Variants in TTC39C observed in about 807,000 individuals in gnomAD.
TTC39C encodes the protein tetratricopeptide repeat domain 39C, also known as tetratricopeptide repeat protein 39C.
A neutral mutation model predicts 76.3 loss-of-function variants in TTC39C; 33 were observed. The ratio of observed to expected loss-of-function variants is 0.43; its 90% CI spans 0.33 to 0.58. The LOEUF is 0.58. TTC39C is among the 20% of genes least tolerant of loss of function. TTC39C has a pLI of 0.04. For synonymous variants in TTC39C, 254 were observed against 260.6 expected (o/e 0.97, Z 0.24); for missense variants, 595 against 701.4 (o/e 0.85, Z 1.71).
intron 1 of TTC39C, among the ~76,000 whole-genome samples, chr18:24,032,355 T>C (rs2083681175): frequency 6.6e-6 from 1 of 152,264 alleles, no homozygotes; most frequent in Non-Finnish European, 1.5e-5. Context: ...AGCTTGGGCC[T>C]GCTTGGTTTG....
At position 24,106,023 on chromosome 18, in the gene TTC39C, C is replaced by T. The variant is rs116884745; in HGVS notation, c.985-8531C>T. Among the ~76,000 whole-genome samples the T allele has an allele frequency of 3.7e-3, 570 of 152,284 alleles. 4 individuals carry two copies. The highest frequency in any genetic ancestry group is 6.8e-3 in the Middle Eastern group (2 of 294). On this transcript the variant is annotated intron_variant, in intron 6 of 13. Coordinates refer to ENST00000317571, the MANE Select transcript of TTC39C (RefSeq NM_001135993.2). ...GGTGTTCTCTCTTTGAGCTGGCCTCCGCATCTGCATTCTCCCTCTTTATGA... is the reference window on the plus strand; with the variant it reads ...GGTGTTCTCTCTTTGAGCTGGCCTCTGCATCTGCATTCTCCCTCTTTATGA...
intron 1 of TTC39C, among the ~76,000 whole-genome samples, chr18:24,025,857 G>A (rs1248677436): frequency 1.3e-5 from 2 of 152,206 alleles, no homozygotes; most frequent in Admixed American, 1.3e-4. Context: ...AAGGGAAGAG[G>A]CTGCCCAGGC....
chr18:24,119,749 G>A (rs1467546489), intron 8 of TTC39C, among the ~76,000 whole-genome samples: 2 of 152,182 alleles, frequency 1.3e-5, no homozygotes, highest in African/African-American at 4.8e-5. Context: ...GATGAAAGTA[G>A]CAGCTATTTG....
intron 6 of TTC39C, among the ~76,000 whole-genome samples, chr18:24,093,945 C>T (rs1026702900): frequency 5.9e-5 from 9 of 152,110 alleles, no homozygotes; most frequent in Non-Finnish European, 1.0e-4. Flanking sequence ...AGTAAGGCAA[C>T]AGTGAAGTTT....
At chr18:24,059,713 TG>T (rs1314966969) in intron 1 of TTC39C, among the ~76,000 whole-genome samples, 1 of 152,222 alleles carries the variant, frequency 6.6e-6, no homozygotes, top group Non-Finnish European at 1.5e-5. Context: ...TATAGTTTTT[TG>T]GGTATATACC....
chr18:24,014,586 CG>C (rs1229830562), upstream of TTC39C: 1 of 272,370 alleles, frequency 3.7e-6, no homozygotes, highest in Non-Finnish European at 6.6e-6. Flanking sequence ...CTTCGGGGCC[CG>C]CGCGAGTTGG....
intron 4 of TTC39C, among the ~76,000 whole-genome samples, chr18:24,071,735 A>G (rs773436611): frequency 7.9e-5 from 12 of 152,196 alleles, no homozygotes; most frequent in Non-Finnish European, 1.6e-4. Flanking sequence ...TATTAGTGAG[A>G]TTGAATATGC....
intron 1 of TTC39C, among the ~76,000 whole-genome samples, chr18:24,037,849 G>A (rs2145685849): frequency 6.6e-6 from 1 of 152,296 alleles, no homozygotes; most frequent in South Asian, 2.1e-4. Context: ...TTATGTTGGT[G>A]TATGACTGTG....
chr18:24,045,590 G>A (rs182297959), intron 1 of TTC39C, among the ~76,000 whole-genome samples: 90 of 151,940 alleles, frequency 5.9e-4, no homozygotes, highest in African/African-American at 2.0e-3. Flanking sequence ...CGTAAACTCC[G>A]TGGGAAGGGC....
At chr18:24,062,816 A>G (rs922212067) in intron 1 of TTC39C, among the ~76,000 whole-genome samples, 2 of 152,210 alleles carry the variant, frequency 1.3e-5, no homozygotes, top group African/African-American at 4.8e-5. Context: ...GAATGTGTGT[A>G]CCCTTCAATT....
At chr18:24,068,403 T>C (rs1157120486) in intron 3 of TTC39C, among the ~76,000 whole-genome samples, 1 of 152,212 alleles carries the variant, frequency 6.6e-6, no homozygotes, top group African/African-American at 2.4e-5. Flanking sequence ...TGTATACTGT[T>C]GACATATTTG....
intron 1 of TTC39C, among the ~76,000 whole-genome samples, chr18:24,026,877 A>G (rs1386864912): frequency 6.6e-6 from 1 of 152,220 alleles, no homozygotes; most frequent in Non-Finnish European, 1.5e-5. Flanking sequence ...AAATATTTAT[A>G]TCATTCTGTC....
intron 1 of TTC39C, among the ~76,000 whole-genome samples, chr18:24,030,060 G>T (rs2083648702): frequency 6.6e-6 from 1 of 152,132 alleles, no homozygotes; most frequent in African/African-American, 2.4e-5. Flanking sequence ...TCTACTTTTA[G>T]TTCTTTAAGG....
At position 24,134,280 on chromosome 18, in the gene TTC39C, T is replaced by G. The variant is rs1282753711; in HGVS notation, c.*1706T>G. 5 of 136,522 alleles carry G rather than the reference T, an allele frequency of 3.7e-5. No individual in the cohort carries two copies. The highest frequency in any genetic ancestry group is 1.1e-4 in the African/African-American group (4 of 36,220). 8.5% of individuals were successfully genotyped at this position (136,522 alleles called of 1,614,324 possible). A position where few individuals can be genotyped will look rare whatever the true frequency, so the allele number is the denominator to read the frequency against. ...CTGTTTTTTGTTTTTTTTTTTTTTT[T>G]TTTTTTTTTTTGAGACGGAGTCTCG... On this transcript the variant is annotated 3_prime_UTR_variant, in exon 14 of 14. Coordinates refer to ENST00000317571, the MANE Select transcript of TTC39C (RefSeq NM_001135993.2).
chr18:24,122,232 G>A (rs904099677), intron 8 of TTC39C, among the ~76,000 whole-genome samples: 1 of 151,866 alleles, frequency 6.6e-6, no homozygotes. Flanking sequence ...AACGAAGGGG[G>A]AACTAGCCAG....
At chr18:24,060,778 G>T (rs1187819392) in intron 1 of TTC39C, among the ~76,000 whole-genome samples, 2 of 152,136 alleles carry the variant, frequency 1.3e-5, no homozygotes, top group Admixed American at 1.3e-4. Context: ...CTATGACCCA[G>T]CAGCCTTAGC....
At chr18:24,016,837 A>T (rs2083459909) in intron 1 of TTC39C, 2 of 397,818 alleles carry the variant, frequency 5.0e-6, no homozygotes, top group African/African-American at 4.1e-5. Context: ...AGGCAGGGAA[A>T]ACTGTAGTAC....
At chr18:24,107,890 G>GA (rs1555776839) in intron 6 of TTC39C, among the ~76,000 whole-genome samples, 1 of 143,972 alleles carries the variant, frequency 6.9e-6, no homozygotes, top group Non-Finnish European at 1.5e-5. Context: ...TCCCAAGTAG[G>GA]GGGGGGGGTA....
At chr18:24,027,936 C>T (rs958750467) in intron 1 of TTC39C, among the ~76,000 whole-genome samples, 11 of 152,168 alleles carry the variant, frequency 7.2e-5, no homozygotes, top group African/African-American at 2.7e-4. Context: ...AGGAATTGGG[C>T]TACTGACTTT....
Sources: gnomAD v4.1 joint callset for allele counts (sites outside exome capture counted in the v4.1 genomes callset) on GRCh38, gnomAD v4.1.1 for gene constraint, MANE v1.5 for transcripts, NCBI Gene and HGNC (gene_info 2026-07-23, HGNC 2026-07-21) for gene names.